Variants in RUFY4 observed in about 807,000 individuals in gnomAD.
The protein encoded by RUFY4 is RUN and FYVE domain containing 4.
RUFY4 carries 73 observed loss-of-function variants against 69.0 expected under a neutral mutation model. The ratio of observed to expected loss-of-function variants is 1.06; its 90% CI spans 0.88 to 1.29. The LOEUF (loss-of-function observed/expected upper bound fraction) is 1.29, where lower values mean the gene tolerates loss of function less well. Among genes scored for constraint, RUFY4 ranks in the 50% most tolerant of loss-of-function variants. RUFY4 has a pLI of 0.00. For synonymous variants in RUFY4, 287 were observed against 271.8 expected (o/e 1.06, Z -0.55); for missense variants, 770 against 705.6 (o/e 1.09, Z -1.03).
chr2:218,042,558 T>G (rs1299366669), intron 2 of RUFY4, among the ~76,000 whole-genome samples: 2 of 152,226 alleles, frequency 1.3e-5, no homozygotes, highest in Non-Finnish European at 2.9e-5. Context: ...GGATGGCAGC[T>G]GCAGTCTGAT....
intron 2 of RUFY4, among the ~76,000 whole-genome samples, chr2:218,071,418 G>A (rs1044175196): frequency 5.9e-5 from 9 of 151,944 alleles, no homozygotes; most frequent in East Asian, 5.8e-4. Flanking sequence ...CTCCTGCCTC[G>A]GGGCCTTTGC....
intron 8 of RUFY4, among the ~76,000 whole-genome samples, chr2:218,078,032 C>G (rs1219728528): frequency 6.6e-6 from 1 of 152,166 alleles, no homozygotes; most frequent in Non-Finnish European, 1.5e-5. Context: ...TTCAGTCATT[C>G]CACAAACACC....
At chr2:218,080,412 T>C (rs1324808956) in intron 8 of RUFY4, among the ~76,000 whole-genome samples, 8 of 152,160 alleles carry the variant, frequency 5.3e-5, no homozygotes, top group Non-Finnish European at 1.2e-4. Context: ...GAAAACGGAC[T>C]TTGGGCTAAG....
At chr2:218,073,880 A>G (rs1188593247) in exon 6 of RUFY4, 3 of 1,613,708 alleles carry the variant, frequency 1.9e-6, no homozygotes, top group Admixed American at 1.7e-5. Context: ...AGATGCCCCA[A>G]AGAAGGTGCC....
exon 10 of RUFY4, chr2:218,089,257 A>G (rs1360434310): frequency 6.2e-7 from 1 of 1,613,282 alleles, no homozygotes. Flanking sequence ...ATCAGAGAGA[A>G]GGACCGCCTG....
At chr2:218,089,976 T>C (rs2106080423) in exon 11 of RUFY4, 3 of 1,566,452 alleles carry the variant, frequency 1.9e-6, no homozygotes, top group East Asian at 2.4e-5. Flanking sequence ...TGCTCTGCCA[T>C]GCTTGCTCCA....
chr2:218,089,432 C>T, intron 10 of RUFY4, 70 bp downstream of exon 12: 4 of 1,344,414 alleles, frequency 3.0e-6, no homozygotes, highest in East Asian at 2.4e-5. Context: ...CCCCCACCCA[C>T]CCCAGGGAAG....
intron 2 of RUFY4, among the ~76,000 whole-genome samples, chr2:218,040,608 G>T (rs374143379): frequency 6.6e-6 from 1 of 152,190 alleles, no homozygotes; most frequent in African/African-American, 2.4e-5. Flanking sequence ...GGCAGGTGAA[G>T]AGGAGGCCAC....
chr2:218,050,412 G>A (rs575155341), intron 2 of RUFY4, among the ~76,000 whole-genome samples: 4 of 152,120 alleles, frequency 2.6e-5, no homozygotes, highest in African/African-American at 9.7e-5. Context: ...GGGTGAAAGA[G>A]CTGTAACCCT....
At chr2:218,045,953 C>T (rs1209376949) in intron 2 of RUFY4, among the ~76,000 whole-genome samples, 1 of 152,068 alleles carries the variant, frequency 6.6e-6, no homozygotes, top group African/African-American at 2.4e-5. Flanking sequence ...TACAGGCTCC[C>T]GCCATGGCGC....
At chr2:218,059,590 A>T (rs1000447057) in intron 3 of RUFY4, 2 of 167,072 alleles carry the variant, frequency 1.2e-5, no homozygotes, top group Non-Finnish European at 2.9e-5. Context: ...TGTTGTAACA[A>T]GTATGAGTAC....
At chr2:218,063,855 C>T (rs1236801485) in intron 3 of RUFY4, among the ~76,000 whole-genome samples, 6 of 152,158 alleles carry the variant, frequency 3.9e-5, no homozygotes, top group African/African-American at 1.4e-4. Flanking sequence ...TCCTAAGAAG[C>T]TCTTCCTTCA....
intron 3 of RUFY4, chr2:218,060,596 G>T (rs896325613): frequency 4.5e-6 from 6 of 1,342,798 alleles, no homozygotes; most frequent in Non-Finnish European, 5.4e-6. Flanking sequence ...GTTCCCATGA[G>T]GGTGTCTGCC....
intron 8 of RUFY4, among the ~76,000 whole-genome samples, chr2:218,078,432 A>C (rs1158398706): frequency 1.3e-5 from 2 of 152,112 alleles, no homozygotes; most frequent in Non-Finnish European, 2.9e-5. Context: ...GGTTCTAGGA[A>C]CATCCAAGGA....
intron 2 of RUFY4, among the ~76,000 whole-genome samples, chr2:218,039,796 T>G (rs900903770): frequency 6.6e-6 from 1 of 152,230 alleles, no homozygotes; most frequent in African/African-American, 2.4e-5. Flanking sequence ...CAGAGCCATT[T>G]AAATCAACTG....
Position 218,072,776 on chromosome 2 carries a change from C to A in RUFY4, c.280-3C>A. The stretch of plus-strand genomic sequence containing the variant: ...CCCCATTCTGCCCCTGTGCACTCTG[C>A]AGTTGAAGACCCCTCTGGGGAAAGG... On this transcript the variant is annotated splice_region_variant and splice_polypyrimidine_tract_variant and intron_variant, in intron 3 of 10. Transcript: ENST00000344321. The A allele has an allele frequency of 3.3e-6, 5 of 1,519,362 alleles. No homozygotes were observed. The highest frequency in any genetic ancestry group is 1.2e-5 in the South Asian group (1 of 81,134). 94.1% of individuals were successfully genotyped at this position (1,519,362 alleles called of 1,614,324 possible).
intron 2 of RUFY4, among the ~76,000 whole-genome samples, chr2:218,041,589 CA>C (rs112548192): frequency 0.13 from 16,649 of 126,492 alleles, 2,601 homozygotes; most frequent in African/African-American, 0.39. Flanking sequence ...GAAGTACAGC[CA>C]AAAAAAAAAA....
exon 7 of RUFY4, chr2:218,075,740 G>T: frequency 2.8e-6 from 4 of 1,430,024 alleles, no homozygotes; most frequent in Non-Finnish European, 3.7e-6. Context: ...ACGAGATCAA[G>T]GTGAGAACAG....
intron 6 of RUFY4, among the ~76,000 whole-genome samples, chr2:218,074,240 C>A (rs1019889802): frequency 2.0e-5 from 3 of 152,180 alleles, no homozygotes; most frequent in African/African-American, 7.2e-5. Flanking sequence ...ACAATTGACA[C>A]ATGACTCAGT....
Sources: gnomAD v4.1 joint callset for allele counts (sites outside exome capture counted in the v4.1 genomes callset) on GRCh38, gnomAD v4.1.1 for gene constraint, MANE v1.5 for transcripts, NCBI Gene and HGNC (gene_info 2026-07-23, HGNC 2026-07-21) for gene names.